GPBP1: variants seen among roughly 807,000 people sequenced by gnomAD.
The protein encoded by GPBP1 is vasculin.
Under a neutral mutation model 56.5 loss-of-function variants are expected in GPBP1, and 13 were observed. That is an observed-to-expected ratio of 0.23 (90% CI 0.15 to 0.37). The LOEUF is 0.37. Among genes scored for constraint, GPBP1 ranks in the 10% least tolerant of loss-of-function variants. The pLI, the probability that GPBP1 is intolerant of heterozygous loss-of-function variation, is 1.00. For missense variants in GPBP1, 477 were observed against 572.3 expected, an observed-to-expected ratio of 0.83 and a Z score of 1.70; for synonymous variants, 204 against 188.9, an observed-to-expected ratio of 1.08 and a Z score of -0.66.
intron 10 of GPBP1, among the ~76,000 whole-genome samples, chr5:57,251,439 C>T (rs1708373000): frequency 6.6e-6 from 1 of 152,074 alleles, no homozygotes. Flanking sequence ...GCTTCTTTCA[C>T]TAAGTATAAT....
At chr5:57,231,788 C>T (rs1453193721) in intron 5 of GPBP1, among the ~76,000 whole-genome samples, 3 of 152,092 alleles carry the variant, frequency 2.0e-5, no homozygotes, top group African/African-American at 7.2e-5. Flanking sequence ...TCTTGGCACA[C>T]GCAATACATA....
chr5:57,251,579 T>C (rs1741393889), intron 10 of GPBP1, among the ~76,000 whole-genome samples: 1 of 151,672 alleles, frequency 6.6e-6, no homozygotes, highest in Non-Finnish European at 1.5e-5. Flanking sequence ...CCACCTCTTT[T>C]TTTTTTTTTT....
intron 2 of GPBP1, among the ~76,000 whole-genome samples, chr5:57,183,765 AT>A (rs34608817): frequency 1.1e-3 from 142 of 133,240 alleles, no homozygotes; most frequent in East Asian, 8.3e-3. Flanking sequence ...GGGGATATGA[AT>A]TTTTTTTTTT....
chr5:57,214,346 G>A (rs546118162), intron 3 of GPBP1, 153 bp downstream of exon 3: 7 of 661,934 alleles, frequency 1.1e-5, no homozygotes, highest in Admixed American at 8.9e-5. Context: ...AGCACTTTGG[G>A]AGGCTGAGGT....
chr5:57,262,461 A>T (rs564236237), intron 11 of GPBP1, 133 bp from the exon 12 acceptor site: 3 of 683,844 alleles, frequency 4.4e-6, no homozygotes, highest in Non-Finnish European at 7.4e-6. Context: ...TGGATCCAGA[A>T]TTTTTTCAGA....
chr5:57,223,054 TC>T (rs1756019823), intron 3 of GPBP1, among the ~76,000 whole-genome samples: 1 of 152,310 alleles, frequency 6.6e-6, no homozygotes, highest in East Asian at 1.9e-4. Context: ...ATTTTTTTTT[TC>T]ATATGGCGCC....
intron 6 of GPBP1, chr5:57,245,556 A>T (rs551303389): frequency 2.0e-5 from 3 of 152,224 alleles, no homozygotes; most frequent in Non-Finnish European, 4.4e-5. Context: ...AAGTTTTTGT[A>T]AGGGAAGAAA....
Position 57,221,787 on chromosome 5 carries a change from C to T in GPBP1, c.63+7594C>T, listed in dbSNP as rs1326962066. On this transcript the variant is annotated intron_variant, in intron 3 of 11. Transcript: ENST00000506184. ...TGACAATGTAAGCAGTGTCAGCTTG[C>T]GATGAAAATGTAGGCTATTTATACT... Among the ~76,000 whole-genome samples the T allele has an allele frequency of 2.0e-5, 3 of 152,096 alleles. No individual in the cohort carries two copies. The East Asian group carries it at 5.8e-4, about 29-fold the overall frequency.
intron 2 of GPBP1, among the ~76,000 whole-genome samples, chr5:57,183,387 C>G (rs894767005): frequency 6.6e-6 from 1 of 151,986 alleles, no homozygotes; most frequent in African/African-American, 2.4e-5. Context: ...TAAAAACATA[C>G]ATACATACAA....
intron 2 of GPBP1, among the ~76,000 whole-genome samples, chr5:57,201,589 T>C (rs1340740150): frequency 6.6e-6 from 1 of 152,246 alleles, no homozygotes; most frequent in Admixed American, 6.5e-5. Flanking sequence ...TGTTTTTTTA[T>C]ACAAATTGCT....
chr5:57,189,832 C>T (rs1471585618), intron 2 of GPBP1, among the ~76,000 whole-genome samples: 2 of 152,184 alleles, frequency 1.3e-5, no homozygotes, highest in East Asian at 1.9e-4. Flanking sequence ...TTTCTCTTAC[C>T]TGAACACGAG....
At chr5:57,210,146 T>C (rs1387992719) in intron 2 of GPBP1, among the ~76,000 whole-genome samples, 2 of 152,244 alleles carry the variant, frequency 1.3e-5, no homozygotes, top group African/African-American at 4.8e-5. Context: ...CATCTATTTG[T>C]ATTTTTTGCC....
intron 5 of GPBP1, 82 bp from the exon 6 acceptor site, chr5:57,235,884 A>G (rs1756641583): frequency 2.1e-6 from 2 of 937,234 alleles, no homozygotes; most frequent in East Asian, 2.4e-5. Flanking sequence ...TTGATTCATC[A>G]GTTACAACAT....
chr5:57,223,675 A>G (rs902694292), intron 3 of GPBP1, among the ~76,000 whole-genome samples: 4 of 151,978 alleles, frequency 2.6e-5, no homozygotes, highest in African/African-American at 9.7e-5. Flanking sequence ...TGAATGCAGC[A>G]TAACTAAAGA....
At chr5:57,174,647 C>A (rs1753716368) in intron 1 of GPBP1, among the ~76,000 whole-genome samples, 2 of 152,146 alleles carry the variant, frequency 1.3e-5, no homozygotes, top group South Asian at 4.1e-4. Flanking sequence ...AGCGCCTCAG[C>A]TTTCCCCGCC....
intron 2 of GPBP1, among the ~76,000 whole-genome samples, chr5:57,183,751 CG>C (rs1008210660): frequency 4.8e-5 from 7 of 146,724 alleles, no homozygotes; most frequent in Non-Finnish European, 9.0e-5. Context: ...TTTTTTAATA[CG>C]GGGGGGATAT....
Position 57,247,140 on chromosome 5 carries a change from A to T in GPBP1, c.729A>T (p.Thr243=), listed in dbSNP as rs1296654116. 6.2e-7 allele frequency: 1 copy of T among 1,613,696 alleles called. No individual in the cohort carries two copies. The highest frequency in any genetic ancestry group is 1.3e-5 in the African/African-American group (1 of 74,926). The part of the protein sequence containing the change: ...KVGTSFPHES[T]FGVGNFNAFK... ...GAACTTCTTTCCCTCATGAGTCCAC[A>T]TTTGGCGTTGGCAACTTTAATGCTT... Residue 243 remains threonine (T), a synonymous_variant, in exon 8 of 12, where the codon ACA becomes ACT. Coordinates refer to ENST00000506184, the MANE Select transcript of GPBP1 (RefSeq NM_022913.4).
chr5:57,226,796 G>C, intron 3 of GPBP1, among the ~76,000 whole-genome samples: 1 of 141,124 alleles, frequency 7.1e-6, no homozygotes, highest in African/African-American at 2.7e-5. Flanking sequence ...CTAGAGTGCA[G>C]TGGTGCGATC....
At chr5:57,175,388 A>T (rs1318278537) in intron 1 of GPBP1, 60 bp from the exon 2 acceptor site, 1 of 397,370 alleles carries the variant, frequency 2.5e-6, no homozygotes, top group Non-Finnish European at 4.4e-6. Flanking sequence ...TAAGTTGGGG[A>T]TTGATTTTTT....
Sources: allele counts gnomAD v4.1 joint callset (sites outside exome capture counted in the v4.1 genomes callset), GRCh38; gene constraint gnomAD v4.1.1; transcripts MANE v1.5; gene names NCBI Gene and HGNC (gene_info 2026-07-23, HGNC 2026-07-21).